Variants in SPIRE1 observed in about 807,000 individuals in gnomAD.
SPIRE1 encodes protein spire homolog 1.
A neutral mutation model predicts 94.1 loss-of-function variants in SPIRE1; 40 were observed. That is an observed-to-expected ratio of 0.43 (90% CI 0.33 to 0.55). SPIRE1 has a LOEUF of 0.55. Among genes scored for constraint, SPIRE1 ranks in the 20% least tolerant of loss-of-function variants. SPIRE1 has a pLI of 0.06. For synonymous variants in SPIRE1, 376 were observed against 371.7 expected (o/e 1.01, Z -0.13); for missense variants, 838 against 975.2 (o/e 0.86, Z 1.87).
At chr18:12,545,770 T>C (rs565609293) in intron 3 of SPIRE1, among the ~76,000 whole-genome samples, 1 of 152,116 alleles carries the variant, frequency 6.6e-6, no homozygotes, top group South Asian at 2.1e-4. Context: ...AAAATCTTCA[T>C]GTAAGTAAGT....
intron 1 of SPIRE1, among the ~76,000 whole-genome samples, chr18:12,645,596 ATAACACTCC>A (rs1265206471): frequency 5.3e-5 from 8 of 152,182 alleles, no homozygotes; most frequent in African/African-American, 1.9e-4. Flanking sequence ...TTGAACAGCC[ATAACACTCC>A]TAACTGGTTT....
chr18:12,594,305 A>G (rs2036614360), intron 2 of SPIRE1, among the ~76,000 whole-genome samples: 1 of 152,236 alleles, frequency 6.6e-6, no homozygotes, highest in South Asian at 2.1e-4. Flanking sequence ...ATGTTATTAA[A>G]TGAATAAACA....
chr18:12,473,636 GTTTT>G (rs530805338), intron 10 of SPIRE1, among the ~76,000 whole-genome samples: 170 of 152,254 alleles, frequency 1.1e-3, no homozygotes, highest in Non-Finnish European at 1.3e-3. Context: ...GAATTAAGGA[GTTTT>G]TTCTTTTTAT....
intron 2 of SPIRE1, among the ~76,000 whole-genome samples, chr18:12,570,454 CCT>C (rs1394719432): frequency 6.6e-6 from 1 of 152,196 alleles, no homozygotes. Flanking sequence ...ACCAAAATCC[CCT>C]CTTTTCCAGC....
At chr18:12,492,651 A>T (rs919833143) in intron 8 of SPIRE1, among the ~76,000 whole-genome samples, 1 of 152,134 alleles carries the variant, frequency 6.6e-6, no homozygotes, top group East Asian at 1.9e-4. Context: ...TTTATAAAGT[A>T]TTTTTTTACC....
chr18:12,539,592 C>A (rs905939112), intron 3 of SPIRE1, among the ~76,000 whole-genome samples: 4 of 134,042 alleles, frequency 3.0e-5, no homozygotes, highest in African/African-American at 9.6e-5. Flanking sequence ...CACACGCACA[C>A]ACACACACAC....
chr18:12,457,473 C>T (rs1401009229), intron 12 of SPIRE1, among the ~76,000 whole-genome samples: 8 of 148,990 alleles, frequency 5.4e-5, no homozygotes, highest in African/African-American at 2.0e-4. Context: ...TTCCCCACCA[C>T]GGCACTGCCT....
intron 3 of SPIRE1, 106 bp downstream of exon 3, chr18:12,546,568 T>C: frequency 1.1e-6 from 1 of 870,146 alleles, no homozygotes; most frequent in Non-Finnish European, 1.9e-6. Flanking sequence ...ACCACTGCAC[T>C]CTAGCCTGGG....
intron 4 of SPIRE1, among the ~76,000 whole-genome samples, chr18:12,526,054 G>GAC (rs1200042008): frequency 1.1e-4 from 1 of 9,296 alleles, no homozygotes; most frequent in East Asian, 1.7e-3. Context: ...GAATACTGAA[G>GAC]ATACACACAC....
chr18:12,567,441 G>T (rs1198981285), intron 2 of SPIRE1, among the ~76,000 whole-genome samples: 2 of 152,140 alleles, frequency 1.3e-5, no homozygotes, highest in African/African-American at 4.8e-5. Context: ...AAATTATTTT[G>T]CAGATATTAA....
intron 10 of SPIRE1, 31 bp from the exon 11 acceptor site, chr18:12,464,989 T>TTA (rs1048962267): frequency 1.3e-6 from 2 of 1,595,716 alleles, no homozygotes; most frequent in African/African-American, 2.7e-5. Flanking sequence ...GAAATCGACT[T>TTA]CTTAGACATT....
At chr18:12,477,969 A>G (rs1224385890) in intron 10 of SPIRE1, among the ~76,000 whole-genome samples, 1 of 152,100 alleles carries the variant, frequency 6.6e-6, no homozygotes, top group Non-Finnish European at 1.5e-5. Context: ...AGTTACAAAG[A>G]GCGGTGAGTG....
At chr18:12,459,665 G>A (rs546075191) in intron 12 of SPIRE1, 107 of 739,182 alleles carry the variant, frequency 1.4e-4, no homozygotes, top group Non-Finnish European at 1.6e-4. Context: ...CTATCTAAGC[G>A]GTTAATTCTC....
intron 10 of SPIRE1, among the ~76,000 whole-genome samples, chr18:12,466,526 T>G (rs550162): frequency 1.3e-5 from 2 of 151,876 alleles, no homozygotes; most frequent in Non-Finnish European, 2.9e-5. Context: ...ATGATCTGCC[T>G]GCCTCAGCCT....
At chr18:12,450,998 G>A in intron 16 of SPIRE1, 2 of 559,016 alleles carry the variant, frequency 3.6e-6, no homozygotes, top group South Asian at 3.3e-5. Context: ...GGAAGATGAA[G>A]ATGAACAAGA....
chr18:12,512,413 C>A, intron 5 of SPIRE1, 41 bp downstream of exon 5: 1 of 1,392,718 alleles, frequency 7.2e-7, no homozygotes, highest in Non-Finnish European at 1.0e-6. Context: ...TATACTATTT[C>A]TTAGACAGTA....
chr18:12,477,168 C>T (rs1182206988), intron 10 of SPIRE1, among the ~76,000 whole-genome samples: 1 of 152,100 alleles, frequency 6.6e-6, no homozygotes, highest in Non-Finnish European at 1.5e-5. Context: ...AGTGTTGCCT[C>T]ATGAGGTGAT....
In SPIRE1 at chr18:12,512,994, C is replaced by T. The variant is rs1031550642; in HGVS notation, c.730-463G>A. Among the ~76,000 whole-genome samples the T allele has an allele frequency of 2.0e-5, 3 of 152,144 alleles. No homozygotes were observed. In the South Asian group the frequency reaches 6.2e-4, roughly 32 times the overall value. ...CATCGATTCTTCAGAGAAGCCTTCC[C>T]TTCCTCCCTGAATAAGTCAAAATCC... On this transcript the variant is annotated intron_variant, in intron 4 of 16. Coordinates refer to ENST00000409402, the MANE Select transcript of SPIRE1 (RefSeq NM_001128626.2).
chr18:12,619,774 A>G (rs2037413555), intron 2 of SPIRE1, among the ~76,000 whole-genome samples: 1 of 141,872 alleles, frequency 7.0e-6, no homozygotes, highest in Non-Finnish European at 1.5e-5. Context: ...TGAACCCGGG[A>G]GGTGGAGATT....
Sources: allele counts gnomAD v4.1 joint callset (sites outside exome capture counted in the v4.1 genomes callset), GRCh38; gene constraint gnomAD v4.1.1; transcripts MANE v1.5; gene names NCBI Gene and HGNC (gene_info 2026-07-23, HGNC 2026-07-21).